Variants in CFAP70 observed in about 807,000 individuals in gnomAD.
CFAP70 encodes the protein cilia- and flagella-associated protein 70.
In CFAP70, 81 loss-of-function variants were observed where a neutral mutation model predicts 137.6. The observed-to-expected ratio is 0.59, with a 90% CI of 0.49 to 0.71. The LOEUF is 0.71. CFAP70 is among the 30% of genes least tolerant of loss of function. The probability of loss-of-function intolerance (pLI) is 0.00; values close to 1 mark genes in which losing one functional copy is unlikely to be tolerated. For synonymous variants in CFAP70, 382 were observed against 423.6 expected (o/e 0.90, Z 1.20); for missense variants, 976 against 1,226.7 (o/e 0.80, Z 3.05).
rs1215260158 is a variant in CFAP70, at chr10:73,298,682, AT to A, written c.1512+224del. ...AATCTGGCCCAGCCTCAAGTGAATA[AT>A]TAGTTTCTTAAAAGCTCCCGTTCAG... On this transcript the variant is annotated intron_variant, in intron 14 of 26. Coordinates refer to ENST00000310715, the Ensembl canonical transcript of CFAP70. Among the ~76,000 whole-genome samples the A allele has an allele frequency of 7.2e-5, 11 of 152,184 alleles. 1 individual carries two copies. The East Asian group carries it at 1.7e-3, about 24-fold the overall frequency.
chr10:73,325,865 T>TA (rs1311150137), intron 8 of CFAP70, among the ~76,000 whole-genome samples: 3 of 152,120 alleles, frequency 2.0e-5, no homozygotes, highest in African/African-American at 7.2e-5. Context: ...CAAAGAGACT[T>TA]AGACTCCCAC....
chr10:73,304,553 G>A (rs190543865), intron 12 of CFAP70, among the ~76,000 whole-genome samples: 45 of 152,176 alleles, frequency 3.0e-4, no homozygotes, highest in African/African-American at 1.0e-3. Context: ...ATTAAAATGA[G>A]AAACTTTTCT....
At chr10:73,298,696 AG>A (rs988194175) in intron 14 of CFAP70, among the ~76,000 whole-genome samples, 1 of 152,164 alleles carries the variant, frequency 6.6e-6, no homozygotes, top group Admixed American at 6.5e-5. Flanking sequence ...GTTTCTTAAA[AG>A]CTCCCGTTCA....
exon 9 of CFAP70, chr10:73,323,041 T>G (rs1184950092): frequency 6.2e-7 from 1 of 1,613,892 alleles, no homozygotes; most frequent in Non-Finnish European, 8.5e-7. Context: ...GATACAACAA[T>G]GGGACCATAT....
chr10:73,345,323 A>G, intron 4 of CFAP70, 79 bp from the exon 6 acceptor site: 5 of 1,244,232 alleles, frequency 4.0e-6, no homozygotes, highest in African/African-American at 3.0e-5. Context: ...TTTGAATCTC[A>G]TATTACTGTT....
chr10:73,269,957 T>C (rs976580889), intron 24 of CFAP70, among the ~76,000 whole-genome samples: 16 of 152,198 alleles, frequency 1.1e-4, no homozygotes, highest in African/African-American at 3.9e-4. Context: ...TCTTAACTTA[T>C]ACCCCTTTCT....
intron 8 of CFAP70, among the ~76,000 whole-genome samples, chr10:73,330,413 G>A (rs111612326): frequency 6.3e-5 from 9 of 143,054 alleles, no homozygotes; most frequent in Admixed American, 5.9e-4. Flanking sequence ...TTGTGCCACT[G>A]TACTCCAGCC....
chr10:73,351,688 C>T (rs1242746648), intron 3 of CFAP70, among the ~76,000 whole-genome samples: 1 of 152,216 alleles, frequency 6.6e-6, no homozygotes, highest in African/African-American at 2.4e-5. Flanking sequence ...ATCTCAGCCT[C>T]CCAAAGTTCT....
intron 25 of CFAP70, among the ~76,000 whole-genome samples, chr10:73,262,019 T>TAC (rs2045281984): frequency 2.1e-5 from 3 of 144,164 alleles, no homozygotes; most frequent in African/African-American, 7.9e-5. Flanking sequence ...TATATATGTA[T>TAC]ATATTATATA....
intron 2 of CFAP70, among the ~76,000 whole-genome samples, chr10:73,354,467 G>T (rs2054517105): frequency 2.0e-5 from 3 of 152,012 alleles, no homozygotes; most frequent in Admixed American, 2.0e-4. Context: ...AGGAGAAAGG[G>T]AAAAAAATTA....
chr10:73,274,522 A>C (rs1452950778), exon 23 of CFAP70: 2 of 1,614,110 alleles, frequency 1.2e-6, no homozygotes, highest in Non-Finnish European at 1.7e-6. Context: ...GTTCGTTCAT[A>C]GCATGCCTTG....
Position 73,297,037 on chromosome 10 carries a change from C to T in CFAP70, c.1644+5G>A. The T allele has an allele frequency of 6.2e-7, 1 of 1,612,334 alleles. No homozygotes were observed. The highest frequency in any genetic ancestry group is 8.5e-7 in the Non-Finnish European group (1 of 1,179,210). On this transcript the variant is annotated splice_donor_5th_base_variant and intron_variant, in intron 15 of 26. Transcript: ENST00000310715. ...AAGAAAGTGCTCTCAGTTCTTGACA[C>T]TTACCTGGTTTAGGGCTACATGCAT...
At chr10:73,323,140 GT>G (rs1470955802) in intron 8 of CFAP70, 43 bp from the exon 10 acceptor site, 1 of 1,538,902 alleles carries the variant, frequency 6.5e-7, no homozygotes, top group Admixed American at 2.0e-5. Context: ...TATAAGCAAT[GT>G]AATATAAGGT....
At chr10:73,354,748 C>G (rs2054538035) in exon 2 of CFAP70, 2 of 1,613,954 alleles carry the variant, frequency 1.2e-6, no homozygotes, top group Non-Finnish European at 1.7e-6. Flanking sequence ...TCATATCCCT[C>G]TGTCACGGTG....
intron 1 of CFAP70, 154 bp downstream of exon 1, chr10:73,358,624 A>C (rs1348630565): frequency 6.6e-6 from 1 of 152,470 alleles, no homozygotes. Flanking sequence ...AAGGGAGCAG[A>C]AGATCGGGGT....
At chr10:73,351,439 GTT>G (rs1256599245) in intron 3 of CFAP70, among the ~76,000 whole-genome samples, 1 of 148,804 alleles carries the variant, frequency 6.7e-6, no homozygotes, top group Non-Finnish European at 1.5e-5. Flanking sequence ...GTTTGTTTTT[GTT>G]TTTGTTTTTT....
intron 23 of CFAP70, among the ~76,000 whole-genome samples, chr10:73,273,566 C>A (rs1439952503): frequency 6.6e-6 from 1 of 152,190 alleles, no homozygotes; most frequent in Non-Finnish European, 1.5e-5. Flanking sequence ...TGAGCCTCAG[C>A]AAACAGCCTA....
At chr10:73,288,599 A>G (rs1170324717) in intron 19 of CFAP70, among the ~76,000 whole-genome samples, 1 of 152,108 alleles carries the variant, frequency 6.6e-6, no homozygotes, top group African/African-American at 2.4e-5. Context: ...TTTCTTCACC[A>G]AAGAGAGCCA....
chr10:73,359,142 T>C (rs1254774690), upstream of CFAP70, among the ~76,000 whole-genome samples: 1 of 152,214 alleles, frequency 6.6e-6, no homozygotes, highest in African/African-American at 2.4e-5. Flanking sequence ...CACGCCCTGT[T>C]GATGAGAGTG....
Sources: gnomAD v4.1 joint callset for allele counts (sites outside exome capture counted in the v4.1 genomes callset) on GRCh38, gnomAD v4.1.1 for gene constraint, MANE v1.5 for transcripts, NCBI Gene and HGNC (gene_info 2026-07-23, HGNC 2026-07-21) for gene names.